The following IMMP2L variants were observed in gnomAD, a reference collection of about 807,000 sequenced individuals.
IMMP2L encodes mitochondrial inner membrane protease subunit 2.
IMMP2L carries 18 observed loss-of-function variants against 19.3 expected under a neutral mutation model. That is an observed-to-expected ratio of 0.93 (90% CI 0.64 to 1.38). The LOEUF is 1.38. Among genes scored for constraint, IMMP2L ranks in the 40% most tolerant of loss-of-function variants. The pLI is 0.00. For missense variants in IMMP2L, 233 were observed against 218.2 expected (o/e 1.07, Z -0.43); for synonymous variants, 76 against 73.0 (o/e 1.04, Z -0.21).
chr7:110,964,214 A>G (rs1483796592), intron 3 of IMMP2L, among the ~76,000 whole-genome samples: 1 of 152,052 alleles, frequency 6.6e-6, no homozygotes, highest in Non-Finnish European at 1.5e-5. Context: ...CTCAGGTAGT[A>G]TCTTTATAGC....
intron 3 of IMMP2L, among the ~76,000 whole-genome samples, chr7:111,186,440 G>A (rs1264398716): frequency 6.7e-6 from 1 of 149,274 alleles, no homozygotes; most frequent in Non-Finnish European, 1.5e-5. Flanking sequence ...TTTTTTTTTA[G>A]AAGGAGTTTC....
At chr7:111,345,637 A>G (rs984293597) in intron 3 of IMMP2L, among the ~76,000 whole-genome samples, 4 of 152,168 alleles carry the variant, frequency 2.6e-5, no homozygotes, top group Non-Finnish European at 5.9e-5. Flanking sequence ...GAGTTGACTC[A>G]TAGAACATCA....
At chr7:111,475,314 T>C (rs897930310) in intron 3 of IMMP2L, among the ~76,000 whole-genome samples, 1 of 152,122 alleles carries the variant, frequency 6.6e-6, no homozygotes, top group Non-Finnish European at 1.5e-5. Context: ...AAGGCACTGA[T>C]AAAATTTGGT....
chr7:111,163,769 T>A (rs1353107174), intron 3 of IMMP2L, among the ~76,000 whole-genome samples: 1 of 151,970 alleles, frequency 6.6e-6, no homozygotes, highest in East Asian at 1.9e-4. Context: ...AAGGGAAGGT[T>A]TTTTAGGGAA....
intron 3 of IMMP2L, among the ~76,000 whole-genome samples, chr7:111,397,026 T>C (rs971941223): frequency 6.6e-6 from 1 of 151,798 alleles, no homozygotes; most frequent in Non-Finnish European, 1.5e-5. Flanking sequence ...AGGCAGAGCT[T>C]GCAGTGAGCT....
chr7:111,099,964 T>TA (rs1797796861), intron 3 of IMMP2L: 1 of 151,580 alleles, frequency 6.6e-6, no homozygotes, highest in Admixed American at 6.6e-5. Flanking sequence ...GGACCCTGGG[T>TA]AAGCTCTTTG....
intron 3 of IMMP2L, among the ~76,000 whole-genome samples, chr7:111,023,518 C>T (rs562473570): frequency 8.2e-5 from 12 of 146,828 alleles, no homozygotes; most frequent in South Asian, 2.2e-4. Context: ...CTGGCCAAAT[C>T]GTGAAACCCT....
chr7:111,545,568 T>G (rs925735371), intron 1 of IMMP2L, among the ~76,000 whole-genome samples: 2 of 152,064 alleles, frequency 1.3e-5, no homozygotes, highest in Non-Finnish European at 1.5e-5. Context: ...GTATTTTTAG[T>G]AGAGACGGGG....
intron 5 of IMMP2L, among the ~76,000 whole-genome samples, chr7:110,744,210 G>A (rs567641001): frequency 6.6e-6 from 1 of 152,292 alleles, no homozygotes; most frequent in East Asian, 1.9e-4. Flanking sequence ...TCTCCTCTCT[G>A]AGCAGGGAAT....
chr7:111,052,037 C>G (rs1397086202), intron 3 of IMMP2L, among the ~76,000 whole-genome samples: 1 of 152,144 alleles, frequency 6.6e-6, no homozygotes, highest in Non-Finnish European at 1.5e-5. Context: ...TAGAGGTCAT[C>G]AGAATGACAA....
chr7:111,559,566 T>G (rs1791773040), intron 1 of IMMP2L, among the ~76,000 whole-genome samples: 1 of 152,108 alleles, frequency 6.6e-6, no homozygotes, highest in Non-Finnish European at 1.5e-5. Context: ...TCCCAGAAAT[T>G]CTAGGATCAG....
chr7:110,880,372 A>C (rs913991970), intron 5 of IMMP2L, among the ~76,000 whole-genome samples: 1 of 152,092 alleles, frequency 6.6e-6, no homozygotes, highest in East Asian at 1.9e-4. Context: ...GAAAATTAAA[A>C]ATTTCCAAAA....
intron 3 of IMMP2L, among the ~76,000 whole-genome samples, chr7:111,270,208 T>TA (rs960562348): frequency 6.6e-6 from 1 of 151,896 alleles, no homozygotes; most frequent in South Asian, 2.1e-4. Context: ...TTTAAAAAAA[T>TA]AAAAAACTAT....
chr7:110,765,317 G>A (rs1483753744), intron 5 of IMMP2L, among the ~76,000 whole-genome samples: 2 of 152,090 alleles, frequency 1.3e-5, no homozygotes, highest in Non-Finnish European at 2.9e-5. Flanking sequence ...AATACTCACA[G>A]AGGAAAGTTA....
At chr7:111,220,953 C>A (rs1812448089) in intron 3 of IMMP2L, among the ~76,000 whole-genome samples, 1 of 152,020 alleles carries the variant, frequency 6.6e-6, no homozygotes, top group Non-Finnish European at 1.5e-5. Flanking sequence ...TGGATGATGT[C>A]CACCCACATT....
At chr7:111,556,014 G>GTGTGTGTGTATATATATA in intron 1 of IMMP2L, among the ~76,000 whole-genome samples, 1 of 114,570 alleles carries the variant, frequency 8.7e-6, no homozygotes, top group African/African-American at 3.3e-5. Context: ...TCTTCTGTGT[G>GTGTGTGTGTATATATATA]CATGTATATA....
At chr7:110,672,201 T>C (rs1278393206) in intron 5 of IMMP2L, among the ~76,000 whole-genome samples, 3 of 152,014 alleles carry the variant, frequency 2.0e-5, no homozygotes, top group African/African-American at 7.2e-5. Flanking sequence ...ATGTCCTTCT[T>C]CACATGGTGG....
At chr7:111,279,146 G>A (rs1819424127) in intron 3 of IMMP2L, among the ~76,000 whole-genome samples, 2 of 152,080 alleles carry the variant, frequency 1.3e-5, no homozygotes, top group Admixed American at 6.6e-5. Flanking sequence ...ATACAGCAGA[G>A]GCTATTTTAT....
In IMMP2L at chr7:111,208,651, T is replaced by C. The variant is rs567245179; in HGVS notation, c.240-245086A>G. On this transcript the variant is annotated intron_variant, in intron 3 of 5. Transcript: ENST00000405709. ...ACAAATGAAAACAAATAGAGTGAAA[T>C]CACATGAATGATACATGTGTAGGTA... Among the ~76,000 whole-genome samples the C allele has an allele frequency of 4.6e-5, 7 of 152,190 alleles. No individual in the cohort carries two copies. In the South Asian group the frequency reaches 1.4e-3, roughly 32 times the overall value.
Sources: allele counts gnomAD v4.1 joint callset (sites outside exome capture counted in the v4.1 genomes callset), GRCh38; gene constraint gnomAD v4.1.1; transcripts MANE v1.5; gene names NCBI Gene and HGNC (gene_info 2026-07-23, HGNC 2026-07-21).